Variants in KIF23 observed in about 807,000 individuals in gnomAD.
The protein encoded by KIF23 is kinesin-like protein KIF23.
Under a neutral mutation model 137.5 loss-of-function variants are expected in KIF23, and 30 were observed. That is an observed-to-expected ratio of 0.22 (90% confidence interval 0.16 to 0.30). The LOEUF is 0.30. KIF23 is among the 10% of genes least tolerant of loss of function. The probability of loss-of-function intolerance (pLI) is 1.00; values close to 1 mark genes in which losing one functional copy is unlikely to be tolerated. For synonymous variants in KIF23, 367 were observed against 391.1 expected (o/e 0.94, Z 0.73); for missense variants, 920 against 1,194.3 (o/e 0.77, Z 3.38).
intron 11 of KIF23, among the ~76,000 whole-genome samples, chr15:69,431,530 C>T (rs907072341): frequency 2.0e-4 from 30 of 151,892 alleles, no homozygotes; most frequent in African/African-American, 7.3e-4. Context: ...AGGAGAATGG[C>T]GTGAACCCGT....
At chr15:69,443,905 G>C (rs1329768497) in intron 19 of KIF23, 1 of 152,178 alleles carries the variant, frequency 6.6e-6, no homozygotes, top group African/African-American at 2.4e-5. Flanking sequence ...TCAACCTCCT[G>C]AGTAGCTGGG....
At chr15:69,417,647 A>G (rs1381315206) in intron 3 of KIF23, 136 bp downstream of exon 3, 1 of 952,022 alleles carries the variant, frequency 1.1e-6, no homozygotes, top group Non-Finnish European at 1.5e-6. Context: ...TAACCACTGT[A>G]TCTAAAGTGT....
rs780152796 is a variant in KIF23 at position 69,446,858 on chromosome 15, A to G, written c.2839-13A>G. 1.2e-6 allele frequency: 2 copies of G among 1,613,226 alleles called. No individual in the cohort carries two copies. Among genetic ancestry groups the G allele is most frequent in the Non-Finnish European group, 8.5e-7 (1 of 1,179,264 alleles). On this transcript the variant is annotated splice_polypyrimidine_tract_variant and intron_variant, in intron 22 of 23. Coordinates refer to ENST00000679126, the MANE Select transcript of KIF23 (RefSeq NM_001367805.3). Reference sequence around the variant, plus strand: ...AGGAGCTGATCTTTTTCCTCTTGTCATTTTCCTCTCAGTGTTCTGTGGCTG... The same window carrying G: ...AGGAGCTGATCTTTTTCCTCTTGTCGTTTTCCTCTCAGTGTTCTGTGGCTG...
intron 11 of KIF23, among the ~76,000 whole-genome samples, chr15:69,433,289 G>T (rs1306186729): frequency 1.3e-5 from 2 of 152,196 alleles, no homozygotes; most frequent in Non-Finnish European, 1.5e-5. Flanking sequence ...AATCGAGTTA[G>T]CTGACCTCAA....
intron 10 of KIF23, among the ~76,000 whole-genome samples, 197 bp from the exon 11 acceptor site, chr15:69,428,914 A>G (rs1364028386): frequency 6.6e-6 from 1 of 152,104 alleles, no homozygotes; most frequent in Non-Finnish European, 1.5e-5. Flanking sequence ...ATTGACAAGT[A>G]ATCATTAATG....
Position 69,438,234 on chromosome 15 carries a change from T to A in KIF23, c.1598-14T>A. ...GAACTGGTGTAAAACTTGACCTGTATGTTTTTGTTTCAGCTAATGCTTTTA... is the reference window on the plus strand; with the variant it reads ...GAACTGGTGTAAAACTTGACCTGTAAGTTTTTGTTTCAGCTAATGCTTTTA... On this transcript the variant is annotated splice_polypyrimidine_tract_variant and intron_variant, in intron 15 of 23. Coordinates refer to ENST00000679126, the MANE Select transcript of KIF23 (RefSeq NM_001367805.3). 6.3e-7 allele frequency: 1 copy of A among 1,590,004 alleles called. No homozygotes were observed. The highest frequency in any genetic ancestry group is 2.2e-5 in the East Asian group (1 of 44,632).
rs191196584 is a variant in KIF23, at chr15:69,444,848, G to A, written c.2480G>A (p.Arg827His). 20 of 1,614,098 alleles carry A rather than the reference G, an allele frequency of 1.2e-5. No individual in the cohort carries two copies. Among genetic ancestry groups the A allele is most frequent in the Admixed American group, 6.7e-5 (4 of 60,018 alleles). ...PPIRLRHRRS[R>H]SAGDRWVDHK... ...ATTCGTCTCCGACACAGACGATCAC[G>A]CTCTGCAGGAGACAGATGGGTAGAT... Residue 827 changes from arginine to histidine, a missense_variant, in exon 20 of 24, where the codon CGC becomes CAC. By Grantham distance (29) the Arg-to-His change is conservative. Coordinates refer to ENST00000679126, the MANE Select transcript of KIF23 (RefSeq NM_001367805.3). The surrounding 1 kb of genome is among the most constrained non-coding windows in gnomAD (Gnocchi z 4.2).
At position 69,440,052 on chromosome 15, in the gene KIF23, C is replaced by T. The variant is rs374809602; in HGVS notation, c.1904C>T (p.Thr635Met). The T allele has an allele frequency of 1.3e-5, 21 of 1,613,424 alleles. No individual in the cohort carries two copies. The highest frequency in any genetic ancestry group is 6.7e-5 in the East Asian group (3 of 44,854). Residue 635 changes from threonine (T) to methionine (M), a missense_variant, in exon 17 of 24, where the codon ACG becomes ATG. Transcript: ENST00000679126. ...AGGTTGCAAGGCATGGTGACAGAAA[C>T]GACAATGAAGTGGGAGAAAGAATGT... ...EARLQGMVTE[T>M]TMKWEKECER...
Position 69,444,712 on chromosome 15 carries a change from T to G in KIF23, c.2422-78T>G. ...TTTGGAAAGGTTTGCTATGATACTG[T>G]CATCAACTAATGTAGCCAAACCTGC... On this transcript the variant is annotated intron_variant, in intron 19 of 23. Transcript: ENST00000679126. This position sits in a 1 kb window ranked among gnomAD's most constrained non-coding sequence, Gnocchi z 4.2. The G allele has an allele frequency of 7.0e-7, 1 of 1,428,538 alleles. No individual in the cohort carries two copies. The highest frequency in any genetic ancestry group is 9.6e-7 in the Non-Finnish European group (1 of 1,041,304). 88.5% of individuals were successfully genotyped at this position (1,428,538 alleles called of 1,614,324 possible).
intron 1 of KIF23, among the ~76,000 whole-genome samples, 165 bp from the exon 2 acceptor site, chr15:69,415,829 C>T (rs1314424131): frequency 1.3e-5 from 2 of 152,122 alleles, no homozygotes; most frequent in Non-Finnish European, 2.9e-5. Context: ...ATGCCACAAA[C>T]ACTCTGCTAC....
chr15:69,437,174 A>AAGGC (rs2140385057), intron 15 of KIF23, among the ~76,000 whole-genome samples: 1 of 152,360 alleles, frequency 6.6e-6, no homozygotes, highest in South Asian at 2.1e-4. Context: ...TGAAGCACTC[A>AAGGC]AGGCATTGTT....
Position 69,436,644 on chromosome 15 carries a change from A to G in KIF23, c.1519A>G (p.Thr507Ala), listed in dbSNP as rs2057489277. ...AATTTTGGATATCAACGATGAGCAG[A>G]CACTTCCAAGGCTGATTGAAGCCTT... ...CEILDINDEQ[T>A]LPRLIEALEK... The change falls in exon 15 of 24, where the codon ACA (threonine) becomes GCA (alanine). Residue 507 changes from threonine to alanine, a missense_variant. By Grantham distance (58) the Thr-to-Ala change is moderately conservative. Around this residue, in one of 4 missense-constraint regions of KIF23, gnomAD observed 714 missense variants for 866.2 expected, o/e 0.82. Transcript: ENST00000679126. 1.2e-6 allele frequency: 2 copies of G among 1,612,380 alleles called. No homozygotes were observed. The highest frequency in any genetic ancestry group is 1.7e-6 in the Non-Finnish European group (2 of 1,178,840).
Position 69,414,364 on chromosome 15 carries a change from T to C in KIF23, c.-102T>C, listed in dbSNP as rs767954234. The C allele has an allele frequency of 4.7e-6, 7 of 1,502,558 alleles. No homozygotes were observed. In the East Asian group the frequency reaches 1.8e-4, roughly 39 times the overall value. The allele number at this position is 1,502,558 out of a possible 1,614,324, so 93.1% of individuals were successfully genotyped here. On this transcript the variant is annotated 5_prime_UTR_variant, in exon 1 of 24. Coordinates refer to ENST00000679126, the MANE Select transcript of KIF23 (RefSeq NM_001367805.3). ...CGCCGGCTTCGCAGAGCACCGCGCC[T>C]TAGCCGCGAAGTTCTAGTTCTTGCT...
intron 2 of KIF23, 61 bp downstream of exon 2, chr15:69,416,124 TG>T (rs2056900047): frequency 9.3e-7 from 1 of 1,071,000 alleles, no homozygotes; most frequent in Admixed American, 2.7e-5. Context: ...CAGTCCTTTC[TG>T]TCTTATGTGT....
chr15:69,429,100 G>T lies in KIF23; in HGVS notation c.1012-11G>T. The T allele has an allele frequency of 6.3e-7, 1 of 1,582,248 alleles. No individual in the cohort carries two copies. Among genetic ancestry groups the T allele is most frequent in the South Asian group, 1.1e-5 (1 of 88,268 alleles). ...ACCCATTTTAAGTTATTGGCTTTGT[G>T]ATCTTTTTAGGAAAAAGAACAAATC... On this transcript the variant is annotated splice_polypyrimidine_tract_variant and intron_variant, in intron 10 of 23. Transcript: ENST00000679126.
rs772626708 is a variant in KIF23, at chr15:69,441,073, C to T, written c.2415C>T (p.Cys805=). 2.0e-5 allele frequency: 32 copies of T among 1,608,514 alleles called. No homozygotes were observed. Among genetic ancestry groups the T allele is most frequent in the Admixed American group, 1.3e-4 (8 of 59,644 alleles). The change falls in exon 19 of 24, where the codon TGC becomes TGT. Residue 805 remains cysteine, a synonymous_variant. Coordinates refer to ENST00000679126, the MANE Select transcript of KIF23 (RefSeq NM_001367805.3). ...RNEIEIEEDH[C]GRLLFQPDQN... ...AGATAGAAATAGAAGAGGATCATTG[C>T]GGCAGGGTTAGTGCCAGTATTATTT... is the stretch of plus-strand genomic sequence containing the variant.
intron 11 of KIF23, chr15:69,435,071 T>G: frequency 4.0e-6 from 2 of 496,580 alleles, no homozygotes; most frequent in Non-Finnish European, 7.2e-6. Context: ...GACGATATTC[T>G]TCCCCCACCC....
At chr15:69,423,100 G>T in intron 6 of KIF23, 59 bp from the exon 7 acceptor site, 1 of 1,160,254 alleles carries the variant, frequency 8.6e-7, no homozygotes, top group Non-Finnish European at 1.3e-6. Flanking sequence ...TGCCCGGCTG[G>T]GATCATTTAC....
At position 69,423,237 on chromosome 15, in the gene KIF23, T is replaced by C. The variant is rs757554999; in HGVS notation, c.642T>C (p.Ser214=). ...FCKAEEVDED[S]VYGVFVSYIE... ...AAGCAGAAGAGGTTGATGAAGATAG[T>C]GTCTATGGTGTATTTGTCTCTTATA... Residue 214 remains serine, a synonymous_variant, in exon 7 of 24, where the codon AGT becomes AGC. Transcript: ENST00000679126. The C allele has an allele frequency of 2.0e-5, 32 of 1,589,804 alleles. No individual in the cohort carries two copies. Among genetic ancestry groups the C allele is most frequent in the Non-Finnish European group, 2.7e-5 (31 of 1,160,996 alleles).
Sources: allele counts gnomAD v4.1 joint callset (sites outside exome capture counted in the v4.1 genomes callset), GRCh38; gene constraint gnomAD v4.1.1; regional missense constraint gnomAD v4.1.1; non-coding constraint Gnocchi (gnomAD v3.1); transcripts MANE v1.5; gene names NCBI Gene and HGNC (gene_info 2026-07-23, HGNC 2026-07-21).